The following SORCS2 variants were observed in gnomAD, a reference collection of about 807,000 sequenced individuals.
The protein encoded by SORCS2 is VPS10 domain-containing receptor SorCS2.
Under a neutral mutation model 141.6 loss-of-function variants are expected in SORCS2, and 100 were observed. The ratio of observed to expected loss-of-function variants is 0.71; its 90% CI spans 0.60 to 0.83. The LOEUF is 0.83. SORCS2 is among the 40% of genes least tolerant of loss of function. The pLI, the probability that SORCS2 is intolerant of heterozygous loss-of-function variation, is 0.00. For synonymous variants in SORCS2, 789 were observed against 676.9 expected (o/e 1.17, Z -2.57); for missense variants, 1,646 against 1,560.2 (o/e 1.05, Z -0.93).
intron 1 of SORCS2, among the ~76,000 whole-genome samples, chr4:7,239,628 C>T (rs1249616568): frequency 6.6e-6 from 1 of 152,232 alleles, no homozygotes; most frequent in African/African-American, 2.4e-5. Context: ...GGAGCTGGGG[C>T]TGGGCCCGGC....
chr4:7,496,341 G>C (rs974256425), intron 2 of SORCS2, among the ~76,000 whole-genome samples: 1 of 151,996 alleles, frequency 6.6e-6, no homozygotes, highest in Admixed American at 6.6e-5. Context: ...ATGAGGATTC[G>C]CGCCTGGGTC....
chr4:7,632,698 CTG>C (rs1241146651), intron 3 of SORCS2, among the ~76,000 whole-genome samples: 1 of 152,204 alleles, frequency 6.6e-6, no homozygotes, highest in Non-Finnish European at 1.5e-5. Flanking sequence ...AGCCCCCCGG[CTG>C]TGTGTGAATA....
intron 2 of SORCS2, chr4:7,434,602 TTCA>T: frequency 1.2e-6 from 2 of 1,613,440 alleles, no homozygotes; most frequent in Non-Finnish European, 1.7e-6. Flanking sequence ...CTCACAGGTC[TTCA>T]TCACCAAAGC....
At chr4:7,472,919 A>T (rs1730066340) in intron 2 of SORCS2, among the ~76,000 whole-genome samples, 1 of 50,116 alleles carries the variant, frequency 2.0e-5, no homozygotes, top group African/African-American at 6.4e-5. Context: ...TGTTCATCAT[A>T]AAAAAAAAAA....
chr4:7,496,310 G>A (rs374961076), intron 2 of SORCS2, among the ~76,000 whole-genome samples: 8 of 152,176 alleles, frequency 5.3e-5, no homozygotes, highest in South Asian at 2.1e-4. Flanking sequence ...TCCAAGGTCC[G>A]GCTGCTCAAG....
At chr4:7,336,174 GC>G (rs1719975195) in intron 1 of SORCS2, among the ~76,000 whole-genome samples, 2 of 152,234 alleles carry the variant, frequency 1.3e-5, no homozygotes, top group Non-Finnish European at 2.9e-5. Context: ...AGGCCCCGCT[GC>G]CCCTGCCCTG....
chr4:7,542,247 A>C (rs1712737093), intron 3 of SORCS2, among the ~76,000 whole-genome samples: 1 of 152,210 alleles, frequency 6.6e-6, no homozygotes, highest in Non-Finnish European at 1.5e-5. Flanking sequence ...CTGGGGCTGC[A>C]TGCAGTGCTT....
At chr4:7,321,853 A>C (rs79833213) in intron 1 of SORCS2, among the ~76,000 whole-genome samples, 1 of 151,964 alleles carries the variant, frequency 6.6e-6, no homozygotes, top group South Asian at 2.1e-4. Context: ...GCCTGAGGAT[A>C]GTTCCCACCC....
At chr4:7,577,845 A>G (rs562818938) in intron 3 of SORCS2, among the ~76,000 whole-genome samples, 2 of 149,544 alleles carry the variant, frequency 1.3e-5, no homozygotes, top group Admixed American at 1.3e-4. Context: ...CATTGTTTGG[A>G]GAAGTTATAT....
Position 7,463,898 on chromosome 4 carries a change from C to G in SORCS2, c.548+67543C>G, listed in dbSNP as rs1002843099. Among the ~76,000 whole-genome samples the G allele has an allele frequency of 2.6e-5, 4 of 152,268 alleles. No homozygotes were observed. The East Asian group carries it at 7.7e-4, about 29-fold the overall frequency. Reference sequence around the variant, plus strand: ...TACAGTAGCAGAGACTGGGGAGGTGCGGAGGCTGGTGATTTCAAACAGGCA... The same window carrying G: ...TACAGTAGCAGAGACTGGGGAGGTGGGGAGGCTGGTGATTTCAAACAGGCA... On this transcript the variant is annotated intron_variant, in intron 2 of 26. Coordinates refer to ENST00000507866, the MANE Select transcript of SORCS2 (RefSeq NM_020777.3).
chr4:7,472,916 C>T (rs199969131), intron 2 of SORCS2, among the ~76,000 whole-genome samples: 1 of 118,062 alleles, frequency 8.5e-6, no homozygotes, highest in Non-Finnish European at 1.8e-5. Context: ...AAGTGTTCAT[C>T]ATAAAAAAAA....
intron 2 of SORCS2, among the ~76,000 whole-genome samples, chr4:7,510,419 A>G (rs959206659): frequency 6.6e-6 from 1 of 152,062 alleles, no homozygotes; most frequent in Non-Finnish European, 1.5e-5. Flanking sequence ...AGGGAAGGGC[A>G]CTCCTCACAC....
intron 1 of SORCS2, among the ~76,000 whole-genome samples, chr4:7,215,929 G>A (rs35620273): frequency 0.31 from 47,103 of 150,352 alleles, 8,090 homozygotes; most frequent in Non-Finnish European, 0.38. Flanking sequence ...GGCCAGATAA[G>A]AGAATAAAAG....
chr4:7,335,334 G>T (rs536331505), intron 1 of SORCS2, among the ~76,000 whole-genome samples: 39 of 152,330 alleles, frequency 2.6e-4, no homozygotes, highest in African/African-American at 9.1e-4. Flanking sequence ...TCTGTTCTGG[G>T]CCCTCCCTGG....
At chr4:7,426,512 C>T (rs1726448968) in intron 2 of SORCS2, among the ~76,000 whole-genome samples, 1 of 152,186 alleles carries the variant, frequency 6.6e-6, no homozygotes, top group African/African-American at 2.4e-5. Context: ...TTGGTTGAAG[C>T]CAGTAACTTG....
At chr4:7,388,307 CT>C (rs1478142336) in intron 1 of SORCS2, among the ~76,000 whole-genome samples, 1 of 152,182 alleles carries the variant, frequency 6.6e-6, no homozygotes, top group Non-Finnish European at 1.5e-5. Context: ...TCTGGCTGCT[CT>C]TGGTAGAATC....
At chr4:7,217,837 T>C (rs1728456153) in intron 1 of SORCS2, among the ~76,000 whole-genome samples, 1 of 152,186 alleles carries the variant, frequency 6.6e-6, no homozygotes, top group Non-Finnish European at 1.5e-5. Flanking sequence ...GGACCTGAGC[T>C]GGGCTCATAG....
At chr4:7,695,476 A>G (rs949028569) in intron 11 of SORCS2, among the ~76,000 whole-genome samples, 10 of 38,240 alleles carry the variant, frequency 2.6e-4, no homozygotes, top group Non-Finnish European at 3.4e-4. Flanking sequence ...GGGTGGGTGG[A>G]TGGGTGAGTG....
intron 1 of SORCS2, among the ~76,000 whole-genome samples, chr4:7,271,231 C>T (rs751625914): frequency 2.6e-5 from 4 of 152,212 alleles, no homozygotes; most frequent in Non-Finnish European, 5.9e-5. Context: ...GGATGTCGCT[C>T]CTCCACTCTG....
Sources: gnomAD v4.1 joint callset for allele counts (sites outside exome capture counted in the v4.1 genomes callset) on GRCh38, gnomAD v4.1.1 for gene constraint, MANE v1.5 for transcripts, NCBI Gene and HGNC (gene_info 2026-07-23, HGNC 2026-07-21) for gene names.